Variants in MLH3 observed in about 807,000 individuals in gnomAD.
MLH3 encodes the protein DNA mismatch repair protein Mlh3.
In MLH3, 82 loss-of-function variants were observed where a neutral mutation model predicts 122.2. That is an observed-to-expected ratio of 0.67 (90% CI 0.56 to 0.81). MLH3 has a LOEUF of 0.81. Ranked by LOEUF, MLH3 falls within the 30% of genes least tolerant of loss-of-function variation. MLH3 has a pLI of 0.00. For missense variants in MLH3, 1,539 were observed against 1,714.5 expected, an observed-to-expected ratio of 0.90 and a Z score of 1.81; for synonymous variants, 524 against 599.5, an observed-to-expected ratio of 0.87 and a Z score of 1.84.
rs1484161045 is a variant in MLH3, at chr14:75,049,213, A to C, written c.443T>G (p.Val148Gly). Residue 148 changes from valine to glycine, a missense_variant, in exon 2 of 13, where the codon GTG becomes GGG. Physicochemically the swap from Val to Gly is moderately radical, Grantham distance 109. Transcript: ENST00000355774. ...AGGAAGCTGGTAAAATAGGTTATAC[A>C]CTGTTACAGTAGTCCCAGCGCTTGC... ...TRASAGTTVT[V>G]YNLFYQLPVR... The C allele has an allele frequency of 1.9e-6, 3 of 1,614,196 alleles. No individual in the cohort carries two copies. The Admixed American group carries it at 5.0e-5, about 27-fold the overall frequency.
chr14:75,040,985 A>G (rs1317866457), intron 4 of MLH3, among the ~76,000 whole-genome samples: 3 of 152,216 alleles, frequency 2.0e-5, no homozygotes, highest in Non-Finnish European at 4.4e-5. Flanking sequence ...GTTTCCAATC[A>G]TAATTACAAA....
rs1889897907 is a variant in MLH3 at position 75,016,560 on chromosome 14, CTT to C, written c.*520_*521del. 1 of 201,688 alleles carries C rather than the reference CTT, an allele frequency of 5.0e-6. No homozygotes were observed. The highest frequency in any genetic ancestry group is 2.3e-5 in the African/African-American group (1 of 42,748). The allele number at this position is 201,688 out of a possible 1,614,324, so 12.5% of individuals were successfully genotyped here. On this transcript the variant is annotated 3_prime_UTR_variant, in exon 13 of 13. Coordinates refer to ENST00000355774, the MANE Select transcript of MLH3 (RefSeq NM_001040108.2). ...ATGTTTTCACTGTAGTAGAGAAACT[CTT>C]TAAGTCTGAGATGTAGCACATGAAG...
At chr14:75,029,782 A>G (rs1890915412) in intron 9 of MLH3, among the ~76,000 whole-genome samples, 1 of 152,058 alleles carries the variant, frequency 6.6e-6, no homozygotes, top group Admixed American at 6.5e-5. Flanking sequence ...TGAACCACCC[A>G]CCACGGCCTC....
chr14:75,027,654 T>A (rs1890719324), intron 9 of MLH3, among the ~76,000 whole-genome samples: 1 of 123,532 alleles, frequency 8.1e-6, no homozygotes. Context: ...TTGTAAGAGA[T>A]TTACTTCAGT....
chr14:75,048,769 T>C lies in MLH3; in HGVS notation c.887A>G (p.His296Arg), dbSNP rs1892449002. 1 of 1,614,150 alleles carries C rather than the reference T, an allele frequency of 6.2e-7. No individual in the cohort carries two copies. The highest frequency in any genetic ancestry group is 2.2e-5 in the East Asian group (1 of 44,880). ...TSRQMNSSLR[H>R]RSTPELYGIY... ...GCCATAGAGTTCTGGGGTAGACCGG[T>C]GCCGAAGACTTGAATTCATTTGCCT... The change falls in exon 2 of 13, where the codon CAC becomes CGC. Residue 296 changes from histidine to arginine, a missense_variant. Physicochemically the swap from His to Arg is conservative, Grantham distance 29. Coordinates refer to ENST00000355774, the MANE Select transcript of MLH3 (RefSeq NM_001040108.2).
At position 75,032,341 on chromosome 14, in the gene MLH3, T is replaced by C. The variant is rs573698085; in HGVS notation, c.3716-162A>G. 1.8e-4 allele frequency among the ~76,000 whole-genome samples: 28 copies of C among 152,368 alleles called. 1 individual carries two copies. In the South Asian group the frequency reaches 5.2e-3, roughly 28 times the overall value. On this transcript the variant is annotated intron_variant, in intron 7 of 12. Transcript: ENST00000355774. ...CCATTTTTAAAGTCAAACTAATAAA[T>C]ATTCAGCCTATTAACAATTTTGGTA...
chr14:75,042,819 G>C (rs977225926), intron 2 of MLH3, among the ~76,000 whole-genome samples: 1 of 150,748 alleles, frequency 6.6e-6, no homozygotes, highest in African/African-American at 2.4e-5. Context: ...TCTGTCGCCC[G>C]GGCTGGAGTA....
rs1891555163 is a variant in MLH3, at chr14:75,038,263, T to C, written c.3643+77A>G. ...CATCCAAATCATTGAAACTATATTA[T>C]ATACCAAAAATAATCATTAAAAAAA... is the stretch of plus-strand genomic sequence containing the variant. On this transcript the variant is annotated intron_variant, in intron 6 of 12. Coordinates refer to ENST00000355774, the MANE Select transcript of MLH3 (RefSeq NM_001040108.2). 4 of 991,194 alleles carry C rather than the reference T, an allele frequency of 4.0e-6. No homozygotes were observed. In the East Asian group the frequency reaches 7.3e-5, roughly 18 times the overall value. 61.4% of individuals were successfully genotyped at this position (991,194 alleles called of 1,614,324 possible). A position where few individuals can be genotyped will look rare whatever the true frequency, so the allele number is the denominator to read the frequency against.
chr14:75,021,495 A>T (rs955882009), intron 11 of MLH3, among the ~76,000 whole-genome samples: 4 of 152,136 alleles, frequency 2.6e-5, no homozygotes, highest in African/African-American at 7.2e-5. Context: ...AAACCAAAAA[A>T]CCCTATTAAA....
chr14:75,038,324 T>C lies in MLH3; in HGVS notation c.3643+16A>G, dbSNP rs141232798. On this transcript the variant is annotated intron_variant, in intron 6 of 12. Coordinates refer to ENST00000355774, the MANE Select transcript of MLH3 (RefSeq NM_001040108.2). ...AGACCAGCTGGTTAATCATTCAGGC[T>C]AAACTCCATTCTTACCTGCCTCGCC... is the stretch of plus-strand genomic sequence containing the variant. 24 of 1,601,284 alleles carry C rather than the reference T, an allele frequency of 1.5e-5. No homozygotes were observed. The Middle Eastern group carries it at 5.0e-4, about 33-fold the overall frequency.
Position 75,018,897 on chromosome 14 carries a change from G to A in MLH3, c.4174C>T (p.Gln1392Ter), listed in dbSNP as rs1247181399. Residue 1392 changes from glutamine to a stop codon, truncating the protein, a stop_gained, in exon 12 of 13, where the codon CAG (glutamine) becomes TAG (stop). Coordinates refer to ENST00000355774, the MANE Select transcript of MLH3 (RefSeq NM_001040108.2). LOFTEE classifies it high-confidence loss of function. ...EALSSCQLPF[Q>*]CAHGRPSMLP... ...ATAGAAGGTCTCCCGTGAGCACACT[G>A]GAATGGCAGCTGGCATGAGGACAGA... is the stretch of plus-strand genomic sequence containing the variant. 1 of 1,614,164 alleles carries A rather than the reference G, an allele frequency of 6.2e-7. No individual in the cohort carries two copies. The highest frequency in any genetic ancestry group is 8.5e-7 in the Non-Finnish European group (1 of 1,180,024).
chr14:75,042,433 G>C lies in MLH3; in HGVS notation c.3325C>G (p.Pro1109Ala), dbSNP rs140997957. The change falls in exon 3 of 13, where the codon CCT (proline) becomes GCT (alanine). Residue 1109 changes from proline to alanine, a missense_variant. Transcript: ENST00000355774. ...TCTGCTCGAGCTCTCGGAAGGAAAGGAAGAACAAGGTCGCTTCTAAAAGGT... is the reference window on the plus strand; with the variant it reads ...TCTGCTCGAGCTCTCGGAAGGAAAGCAAGAACAAGGTCGCTTCTAAAAGGT... ...CQPFRSDLVL[P>A]FLPRARAERT... The C allele has an allele frequency of 2.5e-6, 4 of 1,614,194 alleles. No individual in the cohort carries two copies. Among genetic ancestry groups the C allele is most frequent in the Admixed American group, 3.3e-5 (2 of 60,026 alleles).
At chr14:75,032,225 T>C in intron 7 of MLH3, 46 bp from the exon 8 acceptor site, 1 of 1,099,266 alleles carries the variant, frequency 9.1e-7, no homozygotes, top group Non-Finnish European at 1.4e-6. Context: ...AGGGAAGTCT[T>C]CTAGATTCAG....
At chr14:75,021,227 T>G (rs900493266) in intron 11 of MLH3, among the ~76,000 whole-genome samples, 168 of 152,360 alleles carry the variant, frequency 1.1e-3, no homozygotes, top group African/African-American at 3.9e-3. Flanking sequence ...GAAATACCAT[T>G]CTGGACGTAG....
chr14:75,042,263 C>A, intron 3 of MLH3, 116 bp downstream of exon 3: 1 of 876,838 alleles, frequency 1.1e-6, no homozygotes, highest in South Asian at 1.3e-5. Flanking sequence ...GTGGGGAATT[C>A]CTGATTCCAG....
At chr14:75,042,581 A>T in intron 2 of MLH3, 104 bp from the exon 3 acceptor site, 1 of 831,864 alleles carries the variant, frequency 1.2e-6, no homozygotes, top group East Asian at 2.6e-5. Flanking sequence ...CTGAGTCAAG[A>T]CATAAAGCAG....
At position 75,048,474 on chromosome 14, in the gene MLH3, A is replaced by T; in HGVS notation, c.1182T>A (p.Cys394Ter). 1 of 1,612,974 alleles carries T rather than the reference A, an allele frequency of 6.2e-7. No individual in the cohort carries two copies. The highest frequency in any genetic ancestry group is 2.2e-5 in the East Asian group (1 of 44,878). ...TCTCATAGGAATCTAAAATATTATT[A>T]CATGCTTCCTGGAAATTGCTCCTCT... ...SDERSNFQEA[C>*]NNILDSYEMF... Residue 394 changes from cysteine to a stop codon, truncating the protein, a stop_gained, in exon 2 of 13, where the codon TGT (cysteine) becomes TGA (stop). Coordinates refer to ENST00000355774, the MANE Select transcript of MLH3 (RefSeq NM_001040108.2). LOFTEE classifies it high-confidence loss of function.
chr14:75,048,879 A>T lies in MLH3; in HGVS notation c.777T>A (p.Val259=). The change falls in exon 2 of 13, where the codon GTT becomes GTA. Residue 259 remains valine, a synonymous_variant. Coordinates refer to ENST00000355774, the MANE Select transcript of MLH3 (RefSeq NM_001040108.2). ...MQFLFVNKRL[V]LRTKLHKLID... The stretch of plus-strand genomic sequence containing the variant: ...TGAGTTTATGTAGCTTTGTCCTTAA[A>T]ACTAGTCTTTTGTTCACAAACAAAA... 6.2e-7 allele frequency: 1 copy of T among 1,614,006 alleles called. No individual in the cohort carries two copies. The highest frequency in any genetic ancestry group is 1.1e-5 in the South Asian group (1 of 91,016).
At chr14:75,040,911 A>C (rs1891809994) in intron 4 of MLH3, among the ~76,000 whole-genome samples, 2 of 152,136 alleles carry the variant, frequency 1.3e-5, no homozygotes, top group Admixed American at 1.3e-4. Flanking sequence ...AAATGCTATA[A>C]ATTTTATTTC....
Sources: gnomAD v4.1 joint callset for allele counts (sites outside exome capture counted in the v4.1 genomes callset) on GRCh38, gnomAD v4.1.1 for gene constraint, MANE v1.5 for transcripts, NCBI Gene and HGNC (gene_info 2026-07-23, HGNC 2026-07-21) for gene names.